Variants in DLGAP2 observed in about 807,000 individuals in gnomAD.
DLGAP2 encodes disks large-associated protein 2.
A neutral mutation model predicts 100.3 loss-of-function variants in DLGAP2; 26 were observed. The observed-to-expected ratio is 0.26, with a 90% CI of 0.19 to 0.36. The LOEUF is 0.36. DLGAP2 is among the 10% of genes least tolerant of loss of function. DLGAP2 has a pLI of 1.00. For synonymous variants in DLGAP2, 886 were observed against 630.1 expected (o/e 1.41, Z -6.08); for missense variants, 1,858 against 1,453.2 (o/e 1.28, Z -4.53).
At chr8:1,402,306 T>C (rs867069602) in intron 3 of DLGAP2, among the ~76,000 whole-genome samples, 44 of 1,410 alleles carry the variant, frequency 0.031, no homozygotes, top group Middle Eastern at 0.33. Context: ...CGGAGTCGTG[T>C]ATTGAGTGCT....
intron 3 of DLGAP2, among the ~76,000 whole-genome samples, chr8:1,427,351 C>G (rs1225419581): frequency 6.6e-6 from 1 of 152,160 alleles, no homozygotes; most frequent in African/African-American, 2.4e-5. Context: ...AGAATAAACA[C>G]TCTTTTTAAG....
At chr8:1,153,705 C>G (rs570771962) in intron 2 of DLGAP2, among the ~76,000 whole-genome samples, 1 of 152,276 alleles carries the variant, frequency 6.6e-6, no homozygotes, top group South Asian at 2.1e-4. Flanking sequence ...CCTGCATTGC[C>G]AGACCATTAA....
intron 1 of DLGAP2, among the ~76,000 whole-genome samples, chr8:747,382 T>C (rs1465283398): frequency 6.6e-6 from 1 of 151,954 alleles, no homozygotes; most frequent in Non-Finnish European, 1.5e-5. Flanking sequence ...AGTCACGCGA[T>C]GGGCTTCTCC....
At chr8:844,282 T>A (rs1316483815) in intron 1 of DLGAP2, among the ~76,000 whole-genome samples, 1 of 152,200 alleles carries the variant, frequency 6.6e-6, no homozygotes, top group African/African-American at 2.4e-5. Flanking sequence ...AAAAAGACAT[T>A]TTTATTGAAC....
At position 1,313,793 on chromosome 8, in the gene DLGAP2, G is replaced by C. The variant is rs371425394; in HGVS notation, c.106+54910G>C. 7.0e-4 allele frequency among the ~76,000 whole-genome samples: 106 copies of C among 152,170 alleles called. No homozygotes were observed. The South Asian group carries it at 0.019, about 28-fold the overall frequency. The stretch of plus-strand genomic sequence containing the variant: ...GAATTATGTCTGGGGAGGGGAGAAG[G>C]AAGCAAGATCCAAGTTCAGCTGGCG... On this transcript the variant is annotated intron_variant, in intron 3 of 14. Coordinates refer to ENST00000637795, the MANE Select transcript of DLGAP2 (RefSeq NM_001346810.2).
At chr8:1,136,259 T>G (rs1796409148) in intron 2 of DLGAP2, among the ~76,000 whole-genome samples, 1 of 151,760 alleles carries the variant, frequency 6.6e-6, no homozygotes, top group Non-Finnish European at 1.5e-5. Flanking sequence ...GGCCTCAATT[T>G]CCAGCCCTCT....
chr8:1,039,799 G>T (rs1329692150), intron 2 of DLGAP2, among the ~76,000 whole-genome samples: 4 of 145,318 alleles, frequency 2.8e-5, no homozygotes, highest in Admixed American at 2.0e-4. Context: ...TGTTCAGCTC[G>T]GTTTCCGTGG....
intron 3 of DLGAP2, among the ~76,000 whole-genome samples, chr8:1,417,322 C>T (rs1558025): frequency 0.083 from 12,575 of 152,168 alleles, 955 homozygotes; most frequent in East Asian, 0.33. Context: ...TGCCCAGGTT[C>T]GACAGCATCT....
intron 3 of DLGAP2, among the ~76,000 whole-genome samples, chr8:1,291,032 A>T (rs2116970050): frequency 6.6e-6 from 1 of 152,314 alleles, no homozygotes; most frequent in African/African-American, 2.4e-5. Flanking sequence ...AAAGCTTGAA[A>T]CAAAAGGTCT....
intron 2 of DLGAP2, among the ~76,000 whole-genome samples, chr8:1,042,803 G>A (rs868830994): frequency 2.6e-4 from 15 of 57,460 alleles, no homozygotes; most frequent in Admixed American, 3.6e-4. Flanking sequence ...TGGGTGGTGG[G>A]TGTGGGTGGT....
intron 4 of DLGAP2, among the ~76,000 whole-genome samples, chr8:1,522,842 A>G (rs1477889867): frequency 6.6e-6 from 1 of 152,244 alleles, no homozygotes; most frequent in African/African-American, 2.4e-5. Context: ...TGGGATATCA[A>G]GAGGCTATTA....
At chr8:1,291,685 G>T (rs749140299) in intron 3 of DLGAP2, among the ~76,000 whole-genome samples, 2 of 152,148 alleles carry the variant, frequency 1.3e-5, no homozygotes, top group Non-Finnish European at 2.9e-5. Flanking sequence ...GATTCTATAA[G>T]TGGATGTCCC....
At chr8:1,200,579 G>A (rs1441521297) in intron 2 of DLGAP2, among the ~76,000 whole-genome samples, 3 of 152,180 alleles carry the variant, frequency 2.0e-5, no homozygotes, top group Non-Finnish European at 4.4e-5. Context: ...CCTCCCGCCT[G>A]CACGTCCCAC....
intron 3 of DLGAP2, among the ~76,000 whole-genome samples, chr8:1,495,051 T>C (rs1421600986): frequency 6.6e-6 from 1 of 152,208 alleles, no homozygotes; most frequent in Non-Finnish European, 1.5e-5. Context: ...TTCTCCATAA[T>C]GAGGCATTGC....
intron 1 of DLGAP2, among the ~76,000 whole-genome samples, chr8:790,708 G>A (rs1049274562): frequency 2.0e-5 from 3 of 152,034 alleles, no homozygotes; most frequent in Non-Finnish European, 2.9e-5. Context: ...TAAATCCATC[G>A]GCTATTTCTC....
chr8:1,191,198 A>G (rs12543270), intron 2 of DLGAP2, among the ~76,000 whole-genome samples: 31,278 of 146,394 alleles, frequency 0.21, 4,318 homozygotes, highest in Non-Finnish European at 0.32. Context: ...TTGAGACGGA[A>G]TCTCACTCTG....
At chr8:1,060,120 C>T (rs1803031597) in intron 2 of DLGAP2, among the ~76,000 whole-genome samples, 1 of 152,160 alleles carries the variant, frequency 6.6e-6, no homozygotes, top group African/African-American at 2.4e-5. Flanking sequence ...AGATGTGAAC[C>T]ACGGAGTGGG....
intron 4 of DLGAP2, among the ~76,000 whole-genome samples, chr8:1,546,790 G>A (rs1421806074): frequency 6.6e-6 from 1 of 152,162 alleles, no homozygotes; most frequent in Non-Finnish European, 1.5e-5. Context: ...GCTTAGGGTG[G>A]TGGCGAGAGA....
At chr8:1,430,677 T>C (rs1207447780) in intron 3 of DLGAP2, among the ~76,000 whole-genome samples, 1 of 152,230 alleles carries the variant, frequency 6.6e-6, no homozygotes, top group Non-Finnish European at 1.5e-5. Context: ...TTTCATACTT[T>C]CTTGAAGAAA....
Sources: gnomAD v4.1 joint callset for allele counts (sites outside exome capture counted in the v4.1 genomes callset) on GRCh38, gnomAD v4.1.1 for gene constraint, MANE v1.5 for transcripts, NCBI Gene and HGNC (gene_info 2026-07-23, HGNC 2026-07-21) for gene names.